The following NCAPG2 variants were observed in gnomAD, a reference collection of about 807,000 sequenced individuals.
NCAPG2 encodes condensin-2 complex subunit G2.
NCAPG2 carries 53 observed loss-of-function variants against 141.1 expected under a neutral mutation model. That is an observed-to-expected ratio of 0.38 (90% CI 0.30 to 0.47). The LOEUF is 0.47. Ranked by LOEUF, NCAPG2 falls within the 20% of genes least tolerant of loss-of-function variation. The pLI, the probability that NCAPG2 is intolerant of heterozygous loss-of-function variation, is 0.99. For missense variants in NCAPG2, 1,087 were observed against 1,389.0 expected (o/e 0.78, Z 3.46); for synonymous variants, 499 against 490.7 (o/e 1.02, Z -0.22).
chr7:158,665,686 C>T (rs933150056), intron 13 of NCAPG2, among the ~76,000 whole-genome samples: 2 of 152,122 alleles, frequency 1.3e-5, no homozygotes, highest in African/African-American at 2.4e-5. Flanking sequence ...CCTTGTCAGT[C>T]GACCTGCTCC....
At chr7:158,650,012 G>A (rs145064672) in intron 24 of NCAPG2, among the ~76,000 whole-genome samples, 63 of 152,326 alleles carry the variant, frequency 4.1e-4, no homozygotes, top group Non-Finnish European at 7.9e-4. Context: ...AAATAAGATA[G>A]TCAGTAATAA....
intron 12 of NCAPG2, among the ~76,000 whole-genome samples, chr7:158,672,348 T>C (rs1833787618): frequency 9.0e-6 from 1 of 110,906 alleles, no homozygotes; most frequent in African/African-American, 3.6e-5. Context: ...TTTTTTTTTT[T>C]TTTTTTTTTT....
chr7:158,656,633 A>C lies in NCAPG2; in HGVS notation c.2133T>G (p.Asp711Glu), dbSNP rs1831998609. 1 of 1,614,178 alleles carries C rather than the reference A, an allele frequency of 6.2e-7. No homozygotes were observed. The highest frequency in any genetic ancestry group is 8.5e-7 in the Non-Finnish European group (1 of 1,180,048). ...AVDKSYCTLLDCLCSWGQVGH... is the reference protein window; with the variant it reads ...AVDKSYCTLLECLCSWGQVGH... The stretch of plus-strand genomic sequence containing the variant: ...CCACCTGCCCCCAGGAGCAGAGGCA[A>C]TCCAACAAAGTGCAGTAGCTCTTGT... The change falls in exon 18 of 28, where the codon GAT becomes GAG. Residue 711 changes from aspartate to glutamate, a missense_variant. Asp to Glu is a conservative substitution (Grantham distance 45). Coordinates refer to ENST00000356309, the MANE Select transcript of NCAPG2 (RefSeq NM_017760.7).
In NCAPG2 at chr7:158,631,569, T is replaced by C; in HGVS notation, c.*97A>G. 5.2e-6 allele frequency: 6 copies of C among 1,148,612 alleles called. No individual in the cohort carries two copies. Among genetic ancestry groups the C allele is most frequent in the South Asian group, 2.6e-5 (2 of 76,648 alleles). The allele number at this position is 1,148,612 out of a possible 1,614,324, so 71.2% of individuals were successfully genotyped here. ...AAAAAATCCCACCCTTTCCCTATTATATGGGTTATTAACATTAAAAACAAT... is the reference window on the plus strand; with the variant it reads ...AAAAAATCCCACCCTTTCCCTATTACATGGGTTATTAACATTAAAAACAAT... On this transcript the variant is annotated 3_prime_UTR_variant, in exon 28 of 28. Transcript: ENST00000356309.
intron 27 of NCAPG2, 39 bp downstream of exon 27, chr7:158,644,250 G>A (rs1342410542): frequency 6.6e-7 from 1 of 1,513,696 alleles, no homozygotes; most frequent in Non-Finnish European, 9.2e-7. Flanking sequence ...AGAATGAGCA[G>A]TTTTAGATGA....
chr7:158,648,920 AACCAC>A (rs1831271384), intron 24 of NCAPG2, among the ~76,000 whole-genome samples: 4 of 152,252 alleles, frequency 2.6e-5, no homozygotes, highest in African/African-American at 9.6e-5. Flanking sequence ...AATGGACTAT[AACCAC>A]GCCAAATGGA....
intron 8 of NCAPG2, among the ~76,000 whole-genome samples, chr7:158,684,259 A>T (rs949189819): frequency 2.6e-5 from 4 of 152,232 alleles, no homozygotes; most frequent in Admixed American, 6.5e-5. Context: ...GTTGAATCCA[A>T]ACCTTTAGAG....
At position 158,667,231 on chromosome 7, in the gene NCAPG2, C is replaced by A. The variant is rs956666944; in HGVS notation, c.1480-2481G>T. Reference sequence around the variant, plus strand: ...GTTCTGCCTTCTTCCTCTGCTCTGGCGCCCAAACTTCCTGGTGGGCCAGAG... The same window carrying A: ...GTTCTGCCTTCTTCCTCTGCTCTGGAGCCCAAACTTCCTGGTGGGCCAGAG... On this transcript the variant is annotated intron_variant, in intron 13 of 27. Transcript: ENST00000356309. 1.4e-5 allele frequency: 14 copies of A among 985,456 alleles called. No individual in the cohort carries two copies. The African/African-American group carries it at 1.7e-4, about 12-fold the overall frequency. 61.0% of individuals were successfully genotyped at this position (985,456 alleles called of 1,614,324 possible).
chr7:158,657,128 T>A (rs1394196695), intron 17 of NCAPG2, among the ~76,000 whole-genome samples: 5 of 152,254 alleles, frequency 3.3e-5, no homozygotes, highest in Non-Finnish European at 5.9e-5. Flanking sequence ...AAAAATATTA[T>A]GAGACACAAA....
intron 27 of NCAPG2, among the ~76,000 whole-genome samples, chr7:158,632,212 G>A (rs1168453484): frequency 2.0e-5 from 3 of 152,160 alleles, no homozygotes; most frequent in Middle Eastern, 3.4e-3. Context: ...CCCTCAAGGC[G>A]AGACTCTTCC....
chr7:158,656,974 G>A (rs896942861), intron 17 of NCAPG2, among the ~76,000 whole-genome samples: 1 of 152,194 alleles, frequency 6.6e-6, no homozygotes, highest in Non-Finnish European at 1.5e-5. Flanking sequence ...TTCTGTTTCT[G>A]TGCCATCTGT....
At chr7:158,687,519 T>C in intron 6 of NCAPG2, 77 bp from the exon 7 acceptor site, 6 of 1,058,242 alleles carry the variant, frequency 5.7e-6, no homozygotes, top group Non-Finnish European at 8.4e-6. Context: ...TATTTGAACG[T>C]CTAGTAAGCT....
intron 27 of NCAPG2, among the ~76,000 whole-genome samples, chr7:158,632,255 C>T (rs550813385): frequency 4.8e-4 from 73 of 152,330 alleles, no homozygotes; most frequent in African/African-American, 1.7e-3. Context: ...ACCTAGGCCG[C>T]GGCTTTGGCT....
rs78844326 is a variant in NCAPG2 at position 158,650,559 on chromosome 7, G to T, written c.3075+273C>A. On this transcript the variant is annotated intron_variant, in intron 24 of 27. Coordinates refer to ENST00000356309, the MANE Select transcript of NCAPG2 (RefSeq NM_017760.7). The stretch of plus-strand genomic sequence containing the variant: ...ATCAACTCATTTAAATCTCCTGAAT[G>T]TAGCATAAAAGCATGTTCAAATGTA... Among the ~76,000 whole-genome samples, 56 of 152,274 alleles carry T rather than the reference G, an allele frequency of 3.7e-4. 1 individual carries two copies. The East Asian group carries it at 0.01, about 28-fold the overall frequency.
chr7:158,702,559 C>T lies in NCAPG2; in HGVS notation c.-39-621G>A, dbSNP rs73167214. ...TGTGTTTTTCCAGGAAATTCTATTTCGCATTCACAATACCTGGTGCTACTG... is the reference window on the plus strand; with the variant it reads ...TGTGTTTTTCCAGGAAATTCTATTTTGCATTCACAATACCTGGTGCTACTG... On this transcript the variant is annotated intron_variant, in intron 1 of 27. Coordinates refer to ENST00000356309, the MANE Select transcript of NCAPG2 (RefSeq NM_017760.7). Among the ~76,000 whole-genome samples, 937 of 152,274 alleles carry T rather than the reference C, an allele frequency of 6.2e-3. 3 individuals carry two copies. Among genetic ancestry groups the T allele is most frequent in the Non-Finnish European group, 9.1e-3 (620 of 68,030 alleles).
At chr7:158,681,182 T>C (rs1003683445) in intron 9 of NCAPG2, among the ~76,000 whole-genome samples, 2 of 152,218 alleles carry the variant, frequency 1.3e-5, no homozygotes, top group Non-Finnish European at 2.9e-5. Flanking sequence ...TGAATGGTTC[T>C]AAGAGCTCAC....
At chr7:158,641,406 A>T (rs1830635742) in intron 27 of NCAPG2, 1 of 505,872 alleles carries the variant, frequency 2.0e-6, no homozygotes, top group African/African-American at 2.0e-5. Flanking sequence ...CTTTAAATAT[A>T]AAGACACATA....
chr7:158,649,426 G>C (rs1002614980), intron 24 of NCAPG2, among the ~76,000 whole-genome samples: 5 of 152,110 alleles, frequency 3.3e-5, no homozygotes, highest in Non-Finnish European at 7.4e-5. Context: ...CACAAAAGTA[G>C]CCAGAAAAAA....
intron 9 of NCAPG2, among the ~76,000 whole-genome samples, chr7:158,681,444 C>T (rs1466432527): frequency 6.6e-6 from 1 of 152,204 alleles, no homozygotes; most frequent in Non-Finnish European, 1.5e-5. Context: ...TCCCTAACAA[C>T]AATTAATTTT....
Sources: gnomAD v4.1 joint callset for allele counts (sites outside exome capture counted in the v4.1 genomes callset) on GRCh38, gnomAD v4.1.1 for gene constraint, MANE v1.5 for transcripts, NCBI Gene and HGNC (gene_info 2026-07-23, HGNC 2026-07-21) for gene names.